Variants in IFI27L1 observed in about 807,000 individuals in gnomAD.
The protein encoded by IFI27L1 is interferon alpha inducible protein 27 like 1.
A neutral mutation model predicts 9.2 loss-of-function variants in IFI27L1; 3 were observed. That is an observed-to-expected ratio of 0.32 (90% CI 0.15 to 0.84). The LOEUF (loss-of-function observed/expected upper bound fraction) is 0.84. Ranked by LOEUF, IFI27L1 falls within the 40% of genes least tolerant of loss-of-function variation. The pLI is 0.56. For missense variants in IFI27L1, 133 were observed against 134.2 expected (o/e 0.99, Z 0.05); for synonymous variants, 53 against 50.0 (o/e 1.06, Z -0.26).
intron 1 of IFI27L1, among the ~76,000 whole-genome samples, chr14:94,096,116 C>A (rs968459818): frequency 6.6e-5 from 10 of 152,268 alleles, no homozygotes; most frequent in African/African-American, 2.2e-4. Context: ...GGAATGACTT[C>A]TATTTGTCCC....
At chr14:94,082,317 G>A (rs1392629071) in intron 1 of IFI27L1, among the ~76,000 whole-genome samples, 1 of 152,174 alleles carries the variant, frequency 6.6e-6, no homozygotes, top group African/African-American at 2.4e-5. Context: ...ATTATTTCAT[G>A]AGGTTTAAGG....
chr14:94,091,362 C>G (rs1023286527), intron 1 of IFI27L1, among the ~76,000 whole-genome samples: 1 of 152,192 alleles, frequency 6.6e-6, no homozygotes, highest in Non-Finnish European at 1.5e-5. Flanking sequence ...GTAGCATACA[C>G]TAAGTCATAT....
intron 1 of IFI27L1, among the ~76,000 whole-genome samples, chr14:94,085,721 A>G (rs943284849): frequency 2.0e-5 from 3 of 152,220 alleles, no homozygotes; most frequent in African/African-American, 7.2e-5. Context: ...ATGAATTGTA[A>G]CATTTCCATA....
chr14:94,087,387 A>G (rs188179252), intron 1 of IFI27L1, among the ~76,000 whole-genome samples: 5 of 152,240 alleles, frequency 3.3e-5, no homozygotes, highest in African/African-American at 1.2e-4. Context: ...CCCTAGCTCT[A>G]TTTGTCAGAG....
intron 2 of IFI27L1, chr14:94,100,427 G>A: frequency 9.1e-6 from 9 of 985,348 alleles, no homozygotes; most frequent in Non-Finnish European, 1.1e-5. Flanking sequence ...TGCCAGCCCT[G>A]AGAGCTCAAC....
chr14:94,096,470 C>T lies in IFI27L1; in HGVS notation c.-51-417C>T, dbSNP rs377715463. 2.5e-3 allele frequency among the ~76,000 whole-genome samples: 384 copies of T among 152,110 alleles called. 15 individuals are homozygous for T. The South Asian group carries it at 0.057, about 22-fold the overall frequency. On this transcript the variant is annotated intron_variant, in intron 1 of 4. Transcript: ENST00000555523. Reference sequence around the variant, plus strand: ...CAGCACTTTGGGAGGCCAGGGTGGGCGGATCACGAGGTCAGGGATTCGAGA... The same window carrying T: ...CAGCACTTTGGGAGGCCAGGGTGGGTGGATCACGAGGTCAGGGATTCGAGA...
At chr14:94,088,309 TTTTCA>T (rs1468072510) in intron 1 of IFI27L1, 2 of 702,114 alleles carry the variant, frequency 2.8e-6, no homozygotes, top group Non-Finnish European at 5.2e-6. Context: ...AGAAGGTAAG[TTTTCA>T]TTTTACTGGC....
chr14:94,087,508 C>G (rs1886321006), intron 1 of IFI27L1, among the ~76,000 whole-genome samples: 2 of 152,308 alleles, frequency 1.3e-5, no homozygotes, highest in South Asian at 4.1e-4. Flanking sequence ...TCACTGCGAG[C>G]TCCGCCTCCC....
chr14:94,102,440 T>C, intron 4 of IFI27L1, 37 bp from the exon 5 acceptor site: 2 of 1,381,782 alleles, frequency 1.4e-6, no homozygotes, highest in Non-Finnish European at 2.0e-6. Flanking sequence ...CTGCTACCCC[T>C]CCCTGTGCCC....
At chr14:94,093,167 CTT>C (rs66928480) in intron 1 of IFI27L1, among the ~76,000 whole-genome samples, 9 of 125,436 alleles carry the variant, frequency 7.2e-5, no homozygotes, top group Admixed American at 1.7e-4. Flanking sequence ...CATTTCTTTT[CTT>C]TTTTTTTTTT....
Position 94,096,946 on chromosome 14 carries a change from G to A in IFI27L1, c.9G>A (p.Lys3=), listed in dbSNP as rs1886694868. The A allele has an allele frequency of 6.2e-7, 1 of 1,613,716 alleles. No individual in the cohort carries two copies. The highest frequency in any genetic ancestry group is 8.5e-7 in the Non-Finnish European group (1 of 1,179,738). ...AGGCGAAGGGGCCAACCATGGGAAA[G>A]GAGAGTGGATGGGACTCAGGTGGGT... MG[K]ESGWDSGRAA... is the part of the protein sequence containing the mutation. The change falls in exon 2 of 5, where the codon AAG becomes AAA. Residue 3 remains lysine (K), a synonymous_variant. Coordinates refer to ENST00000555523, the MANE Select transcript of IFI27L1 (RefSeq NM_206949.3).
At chr14:94,102,385 C>G (rs1886933111) in intron 4 of IFI27L1, 92 bp from the exon 5 acceptor site, 2 of 745,680 alleles carry the variant, frequency 2.7e-6, no homozygotes, top group African/African-American at 3.5e-5. Flanking sequence ...GGCCTCAGGT[C>G]TCTGGAGGGA....
intron 1 of IFI27L1, among the ~76,000 whole-genome samples, chr14:94,085,941 T>TC (rs1189777039): frequency 1.3e-5 from 2 of 152,218 alleles, no homozygotes; most frequent in Non-Finnish European, 2.9e-5. Context: ...GCATTGTAAT[T>TC]CATCTAGCAC....
At chr14:94,086,163 G>T (rs1567066400) in intron 1 of IFI27L1, among the ~76,000 whole-genome samples, 1 of 151,902 alleles carries the variant, frequency 6.6e-6, no homozygotes, top group East Asian at 1.9e-4. Flanking sequence ...TGTGAGATCT[G>T]GTGGTTTAAA....
intron 1 of IFI27L1, among the ~76,000 whole-genome samples, chr14:94,089,842 T>G (rs1461028831): frequency 6.6e-6 from 1 of 152,196 alleles, no homozygotes; most frequent in Non-Finnish European, 1.5e-5. Flanking sequence ...TATTCCTGCC[T>G]AACTATTAGG....
intron 1 of IFI27L1, among the ~76,000 whole-genome samples, chr14:94,081,659 A>G (rs1164861791): frequency 1.3e-5 from 2 of 152,194 alleles, no homozygotes; most frequent in East Asian, 1.9e-4. Context: ...CCTAGGTACA[A>G]TGCTCGTACC....
chr14:94,099,481 T>C (rs1004283188), intron 2 of IFI27L1, among the ~76,000 whole-genome samples: 1 of 151,922 alleles, frequency 6.6e-6, no homozygotes, highest in African/African-American at 2.4e-5. Context: ...GACACAGAGA[T>C]TGGAGTGATG....
intron 3 of IFI27L1, chr14:94,101,003 G>A (rs1886874195): frequency 1.6e-6 from 1 of 608,778 alleles, no homozygotes; most frequent in Non-Finnish European, 2.9e-6. Flanking sequence ...CTTCCACCAA[G>A]TACAAACCAT....
At chr14:94,081,864 T>A (rs950576711) in intron 1 of IFI27L1, among the ~76,000 whole-genome samples, 6 of 152,222 alleles carry the variant, frequency 3.9e-5, no homozygotes, top group African/African-American at 1.4e-4. Context: ...CTCTATTCCC[T>A]GAGACACAAC....
Sources: allele counts gnomAD v4.1 joint callset (sites outside exome capture counted in the v4.1 genomes callset), GRCh38; gene constraint gnomAD v4.1.1; transcripts MANE v1.5; gene names NCBI Gene and HGNC (gene_info 2026-07-23, HGNC 2026-07-21).